GRID2: variants seen among roughly 807,000 people sequenced by gnomAD.
GRID2 encodes the protein glutamate ionotropic receptor delta type subunit 2.
In GRID2, 33 loss-of-function variants were observed where a neutral mutation model predicts 114.8. That is an observed-to-expected ratio of 0.29 (90% confidence interval 0.22 to 0.38). The LOEUF (loss-of-function observed/expected upper bound fraction) is 0.38. Among genes scored for constraint, GRID2 ranks in the 10% least tolerant of loss-of-function variants. The pLI is 1.00. For synonymous variants in GRID2, 505 were observed against 449.9 expected (o/e 1.12, Z -1.55); for missense variants, 1,184 against 1,257.7 (o/e 0.94, Z 0.89).
intron 10 of GRID2, among the ~76,000 whole-genome samples, chr4:93,446,214 G>C (rs141035497): frequency 6.6e-6 from 1 of 152,108 alleles, no homozygotes; most frequent in Non-Finnish European, 1.5e-5. Context: ...CATTCACATG[G>C]TGATCCAGGG....
intron 10 of GRID2, among the ~76,000 whole-genome samples, chr4:93,453,583 T>C (rs1360623080): frequency 6.6e-6 from 1 of 152,142 alleles, no homozygotes; most frequent in African/African-American, 2.4e-5. Context: ...TTAGCTATTT[T>C]TATTCTATTT....
chr4:93,309,647 G>T (rs866312157), intron 8 of GRID2, among the ~76,000 whole-genome samples: 1 of 152,060 alleles, frequency 6.6e-6, no homozygotes, highest in Non-Finnish European at 1.5e-5. Flanking sequence ...CTCTTCCAAA[G>T]AATAAAAGCT....
chr4:93,712,533 C>T (rs74859135), intron 14 of GRID2, among the ~76,000 whole-genome samples: 2,204 of 152,120 alleles, frequency 0.014, 24 homozygotes, highest in Non-Finnish European at 0.021. Flanking sequence ...ATTGATTATT[C>T]ATGTAATTAT....
chr4:92,752,313 C>T (rs1578144146), intron 2 of GRID2, among the ~76,000 whole-genome samples: 1 of 152,142 alleles, frequency 6.6e-6, no homozygotes, highest in East Asian at 1.9e-4. Context: ...CTCTCTTAAT[C>T]ATATAGAAAA....
intron 8 of GRID2, among the ~76,000 whole-genome samples, chr4:93,274,485 C>T (rs928329707): frequency 6.6e-6 from 1 of 152,058 alleles, no homozygotes; most frequent in African/African-American, 2.4e-5. Flanking sequence ...AGTAAATAAT[C>T]ACTACCAAAA....
At chr4:92,593,957 T>A (rs1374738061) in intron 2 of GRID2, among the ~76,000 whole-genome samples, 1 of 151,564 alleles carries the variant, frequency 6.6e-6, no homozygotes, top group Admixed American at 6.6e-5. Flanking sequence ...GGGTTATTTT[T>A]AAAAACCTTG....
At position 93,739,792 on chromosome 4, in the gene GRID2, AG is replaced by A. The variant is rs538423983; in HGVS notation, c.2361-29417del. 3.0e-4 allele frequency among the ~76,000 whole-genome samples: 46 copies of A among 152,286 alleles called. 1 individual carries two copies. The South Asian group carries it at 4.8e-3, about 16-fold the overall frequency. ...GTTTTCTCATTTTCTGCCTAATGCA[AG>A]CTTAGAACTCAGCTTCCGGTTGACC... On this transcript the variant is annotated intron_variant, in intron 14 of 15. Coordinates refer to ENST00000282020, the MANE Select transcript of GRID2 (RefSeq NM_001510.4).
chr4:93,707,266 G>A (rs972733477), intron 14 of GRID2, among the ~76,000 whole-genome samples: 8 of 152,122 alleles, frequency 5.3e-5, no homozygotes, highest in African/African-American at 1.9e-4. Flanking sequence ...GGAGTACTTT[G>A]AGAAAAATTG....
At chr4:92,912,751 A>C (rs1206080681) in intron 2 of GRID2, among the ~76,000 whole-genome samples, 9 of 151,916 alleles carry the variant, frequency 5.9e-5, no homozygotes, top group Non-Finnish European at 1.2e-4. Context: ...AAACTCTTTA[A>C]GAATTGTGAA....
chr4:93,378,716 A>G (rs1163621642), intron 8 of GRID2, among the ~76,000 whole-genome samples: 1 of 151,920 alleles, frequency 6.6e-6, no homozygotes, highest in Non-Finnish European at 1.5e-5. Context: ...TTTATTCCAA[A>G]TTTTCTGATA....
chr4:93,754,701 A>T lies in GRID2; in HGVS notation c.2361-14509A>T, dbSNP rs1732601492. The stretch of plus-strand genomic sequence containing the variant: ...ATGGGTAAATTGCACTTCTACAATT[A>T]TTCATTAGGGCTCCTATAATAAGTA... On this transcript the variant is annotated intron_variant, in intron 14 of 15. Coordinates refer to ENST00000282020, the MANE Select transcript of GRID2 (RefSeq NM_001510.4). Among the ~76,000 whole-genome samples the T allele has an allele frequency of 2.0e-5, 3 of 152,212 alleles. No homozygotes were observed. In the South Asian group the frequency reaches 6.2e-4, roughly 31 times the overall value.
At chr4:93,327,436 G>A (rs960560396) in intron 8 of GRID2, among the ~76,000 whole-genome samples, 1 of 151,768 alleles carries the variant, frequency 6.6e-6, no homozygotes, top group Non-Finnish European at 1.5e-5. Context: ...AGGCTGTCTA[G>A]TATCCAATCC....
chr4:92,571,741 A>G (rs1442829889), intron 1 of GRID2, among the ~76,000 whole-genome samples: 2 of 151,946 alleles, frequency 1.3e-5, no homozygotes, highest in African/African-American at 2.4e-5. Context: ...ACTCAAAACC[A>G]CTCAACTACA....
chr4:92,600,265 G>A (rs531805728), intron 2 of GRID2, among the ~76,000 whole-genome samples: 3 of 151,592 alleles, frequency 2.0e-5, no homozygotes, highest in South Asian at 4.2e-4. Flanking sequence ...GTGGTCTCAT[G>A]TACTCATTCA....
chr4:93,245,594 A>G (rs976700246), intron 8 of GRID2, among the ~76,000 whole-genome samples: 1 of 152,170 alleles, frequency 6.6e-6, no homozygotes, highest in Non-Finnish European at 1.5e-5. Flanking sequence ...TTTTAAGATT[A>G]TTGTCTCACA....
At chr4:93,535,544 A>G (rs1406740422) in intron 13 of GRID2, among the ~76,000 whole-genome samples, 1 of 151,946 alleles carries the variant, frequency 6.6e-6, no homozygotes, top group East Asian at 1.9e-4. Context: ...TTTTCTCCAC[A>G]TACTCACCAA....
chr4:92,903,008 T>G (rs1747689577), intron 2 of GRID2, among the ~76,000 whole-genome samples: 1 of 152,032 alleles, frequency 6.6e-6, no homozygotes, highest in South Asian at 2.1e-4. Flanking sequence ...GATTTTTTCT[T>G]TTTGCTTAGG....
chr4:93,792,544 T>G (rs1179356565), intron 1 of GRID2, among the ~76,000 whole-genome samples: 1 of 152,184 alleles, frequency 6.6e-6, no homozygotes, highest in Non-Finnish European at 1.5e-5. Context: ...TAACTCAGTT[T>G]TGCTTCTCCT....
At chr4:92,478,966 A>C (rs1438522439) in intron 1 of GRID2, among the ~76,000 whole-genome samples, 1 of 152,060 alleles carries the variant, frequency 6.6e-6, no homozygotes, top group Non-Finnish European at 1.5e-5. Context: ...AGGATTTATG[A>C]GTTTCCTTTG....
Sources: allele counts gnomAD v4.1 joint callset (sites outside exome capture counted in the v4.1 genomes callset), GRCh38; gene constraint gnomAD v4.1.1; transcripts MANE v1.5; gene names NCBI Gene and HGNC (gene_info 2026-07-23, HGNC 2026-07-21).